PAX3: variants seen among roughly 807,000 people sequenced by gnomAD.
PAX3 encodes the protein paired box 3.
Under a neutral mutation model 51.6 loss-of-function variants are expected in PAX3, and 14 were observed. The observed-to-expected ratio is 0.27, with a 90% confidence interval of 0.18 to 0.42. The LOEUF is 0.42. Among genes scored for constraint, PAX3 ranks in the 10% least tolerant of loss-of-function variants. PAX3 has a pLI of 1.00. For synonymous variants in PAX3, 280 were observed against 253.4 expected (o/e 1.11, Z -1.00); for missense variants, 540 against 642.8 (o/e 0.84, Z 1.73).
intron 3 of PAX3, 65 bp from the exon 4 acceptor site, chr2:222,294,366 G>A (rs1695175476): frequency 3.2e-6 from 5 of 1,586,426 alleles, no homozygotes; most frequent in Middle Eastern, 1.7e-4. Context: ...GGCTGTGCGG[G>A]AAGGACCCCC....
chr2:222,230,784 G>A (rs1244294679), intron 5 of PAX3, among the ~76,000 whole-genome samples: 2 of 150,816 alleles, frequency 1.3e-5, no homozygotes, highest in African/African-American at 4.9e-5. Flanking sequence ...GAACCCAGGA[G>A]GCAGAGGTTG....
chr2:222,210,351 G>T (rs1691677727), intron 7 of PAX3, among the ~76,000 whole-genome samples: 1 of 152,060 alleles, frequency 6.6e-6, no homozygotes, highest in Non-Finnish European at 1.5e-5. Flanking sequence ...CTTATCCTTG[G>T]CTGGTGAGAG....
chr2:222,276,028 T>C (rs1041537718), intron 4 of PAX3, among the ~76,000 whole-genome samples: 6 of 152,206 alleles, frequency 3.9e-5, no homozygotes, highest in African/African-American at 1.2e-4. Flanking sequence ...AGTCTCCTTC[T>C]CTTCAAGACC....
intron 4 of PAX3, among the ~76,000 whole-genome samples, chr2:222,273,241 T>C (rs951338801): frequency 6.6e-6 from 1 of 152,192 alleles, no homozygotes. Flanking sequence ...AACATGATAC[T>C]GAATCTAGCA....
At chr2:222,260,985 G>C (rs1693842038) in intron 4 of PAX3, among the ~76,000 whole-genome samples, 1 of 152,208 alleles carries the variant, frequency 6.6e-6, no homozygotes, top group Admixed American at 6.5e-5. Flanking sequence ...GACTCAGGCT[G>C]TGGCCAGAAG....
intron 3 of PAX3, 105 bp from the exon 4 acceptor site, chr2:222,294,406 G>A (rs2106197364): frequency 1.6e-6 from 2 of 1,270,100 alleles, no homozygotes; most frequent in South Asian, 1.2e-5. Flanking sequence ...GGGCCCTAGA[G>A]CCGCTGCCCT....
intron 8 of PAX3, 136 bp downstream of exon 8, chr2:222,201,808 C>T: frequency 6.4e-7 from 1 of 1,564,008 alleles, no homozygotes; most frequent in Non-Finnish European, 8.6e-7. Flanking sequence ...GAACAGTCAG[C>T]TGGCTTTGCA....
chr2:222,201,145 C>A lies in PAX3; in HGVS notation c.*263G>T. The A allele has an allele frequency of 6.2e-7, 1 of 1,612,098 alleles. No individual in the cohort carries two copies. Among genetic ancestry groups the A allele is most frequent in the Non-Finnish European group, 8.5e-7 (1 of 1,178,430 alleles). On this transcript the variant is annotated 3_prime_UTR_variant, in exon 9 of 9. Transcript: ENST00000392070. Reference sequence around the variant, plus strand: ...TGTTTTGATATGTAACCATGTGAAACCATTGCCTTAAAATGTTGCATTTGT... The same window carrying A: ...TGTTTTGATATGTAACCATGTGAAAACATTGCCTTAAAATGTTGCATTTGT...
chr2:222,222,884 G>C (rs1481556159), intron 5 of PAX3, among the ~76,000 whole-genome samples: 1 of 152,114 alleles, frequency 6.6e-6, no homozygotes, highest in African/African-American at 2.4e-5. Flanking sequence ...AAACTCTAAA[G>C]TGGAAGCAAA....
intron 7 of PAX3, among the ~76,000 whole-genome samples, chr2:222,204,687 A>C (rs1691436961): frequency 6.6e-6 from 1 of 152,176 alleles, no homozygotes. Flanking sequence ...AAGTTGTGTT[A>C]AGCAAAATTC....
At chr2:222,265,445 A>T (rs1459710445) in intron 4 of PAX3, among the ~76,000 whole-genome samples, 1 of 152,152 alleles carries the variant, frequency 6.6e-6, no homozygotes, top group Non-Finnish European at 1.5e-5. Flanking sequence ...TGAGGTCAGG[A>T]GATCCAGACC....
intron 4 of PAX3, among the ~76,000 whole-genome samples, chr2:222,278,635 A>G (rs1045750078): frequency 1.3e-5 from 2 of 152,214 alleles, no homozygotes; most frequent in Non-Finnish European, 2.9e-5. Flanking sequence ...CAACCTGGCT[A>G]TGTCTCCTCC....
At chr2:222,259,722 A>G (rs1004103866) in intron 4 of PAX3, among the ~76,000 whole-genome samples, 1 of 152,224 alleles carries the variant, frequency 6.6e-6, no homozygotes, top group Admixed American at 6.5e-5. Context: ...AGGACTTTGA[A>G]GTCATACTTT....
At chr2:222,257,317 T>C (rs1693683293) in intron 4 of PAX3, among the ~76,000 whole-genome samples, 1 of 152,206 alleles carries the variant, frequency 6.6e-6, no homozygotes, top group African/African-American at 2.4e-5. Flanking sequence ...GTTGTTTTCA[T>C]GTCTTTTAAC....
chr2:222,275,158 A>C (rs897119071), intron 4 of PAX3, among the ~76,000 whole-genome samples: 1 of 152,208 alleles, frequency 6.6e-6, no homozygotes, highest in Non-Finnish European at 1.5e-5. Flanking sequence ...GATAATCACT[A>C]AGAAAAATAG....
At chr2:222,236,798 T>C (rs1156614170) in intron 4 of PAX3, among the ~76,000 whole-genome samples, 1 of 152,168 alleles carries the variant, frequency 6.6e-6, no homozygotes, top group Non-Finnish European at 1.5e-5. Flanking sequence ...AGTTGCTCAA[T>C]CATATTTTAC....
rs563098005 is a variant in PAX3, at chr2:222,219,344, G to A, written c.1173+796C>T. On this transcript the variant is annotated intron_variant, in intron 7 of 8. Coordinates refer to ENST00000392070, the MANE Select transcript of PAX3 (RefSeq NM_181458.4). ...TTGTGACATTTCTCCAAATTTAGTG[G>A]GCAGCTATCCTTGCCACCTGGGCCA... Among the ~76,000 whole-genome samples the A allele has an allele frequency of 6.6e-5, 10 of 152,090 alleles. No individual in the cohort carries two copies. In the South Asian group the frequency reaches 2.1e-3, roughly 32 times the overall value.
At chr2:222,237,643 G>A (rs185644468) in intron 4 of PAX3, among the ~76,000 whole-genome samples, 1 of 152,134 alleles carries the variant, frequency 6.6e-6, no homozygotes, top group African/African-American at 2.4e-5. Flanking sequence ...ACTTTGCCAA[G>A]ATATTAAATG....
intron 4 of PAX3, among the ~76,000 whole-genome samples, chr2:222,284,462 A>G (rs1694755274): frequency 6.6e-6 from 1 of 152,244 alleles, no homozygotes; most frequent in African/African-American, 2.4e-5. Context: ...AGTAATTAAG[A>G]AGCATGTTTT....
Sources: allele counts gnomAD v4.1 joint callset (sites outside exome capture counted in the v4.1 genomes callset), GRCh38; gene constraint gnomAD v4.1.1; transcripts MANE v1.5; gene names NCBI Gene and HGNC (gene_info 2026-07-23, HGNC 2026-07-21).